FBXL20: variants seen among roughly 807,000 people sequenced by gnomAD.
FBXL20 encodes F-box and leucine rich repeat protein 20.
In FBXL20, 11 loss-of-function variants were observed where a neutral mutation model predicts 64.0. The observed-to-expected ratio is 0.17, with a 90% CI of 0.11 to 0.28. FBXL20 has a LOEUF of 0.28. Ranked by LOEUF, FBXL20 falls within the 10% of genes least tolerant of loss-of-function variation. FBXL20 has a pLI of 1.00. For synonymous variants in FBXL20, 184 were observed against 189.0 expected (o/e 0.97, Z 0.22); for missense variants, 303 against 526.2 (o/e 0.58, Z 4.15).
intron 2 of FBXL20, among the ~76,000 whole-genome samples, chr17:39,326,615 CTATT>C (rs1248586599): frequency 6.6e-6 from 1 of 151,298 alleles, no homozygotes; most frequent in East Asian, 2.0e-4. Context: ...GAGCAAGACC[CTATT>C]TAAAAAAAAT....
chr17:39,337,514 C>G (rs1303649575), intron 2 of FBXL20, among the ~76,000 whole-genome samples: 12 of 151,894 alleles, frequency 7.9e-5, no homozygotes, highest in East Asian at 5.8e-4. Context: ...CGTCTCTGCC[C>G]GGCCGCCCAT....
chr17:39,342,377 G>GCAA (rs2047590882), intron 2 of FBXL20, among the ~76,000 whole-genome samples: 1 of 149,602 alleles, frequency 6.7e-6, no homozygotes, highest in Non-Finnish European at 1.5e-5. Context: ...ACTATTCTGG[G>GCAA]CAACACAGTG....
chr17:39,400,024 ACC>A (rs2048226154), intron 1 of FBXL20, among the ~76,000 whole-genome samples: 1 of 152,154 alleles, frequency 6.6e-6, no homozygotes, highest in South Asian at 2.1e-4. Context: ...TGAATACGAA[ACC>A]ATCATAAATT....
At chr17:39,270,750 TAAAACC>T in intron 11 of FBXL20, 40 bp downstream of exon 11, 1 of 1,505,368 alleles carries the variant, frequency 6.6e-7, no homozygotes, top group Non-Finnish European at 9.0e-7. Context: ...AAAGCCCTAA[TAAAACC>T]TATGGAAACA....
intron 1 of FBXL20, among the ~76,000 whole-genome samples, chr17:39,394,456 T>A (rs370580932): frequency 7.2e-5 from 11 of 151,902 alleles, no homozygotes; most frequent in African/African-American, 1.2e-4. Flanking sequence ...TTTTTGTATT[T>A]TTAGTAGAGA....
chr17:39,315,831 G>GAC (rs1326564481), intron 2 of FBXL20, among the ~76,000 whole-genome samples: 11 of 29,516 alleles, frequency 3.7e-4, no homozygotes, highest in Non-Finnish European at 6.2e-4. Context: ...GAGAGAGACA[G>GAC]AGAGAGAGAG....
intron 2 of FBXL20, among the ~76,000 whole-genome samples, chr17:39,306,042 G>A (rs1005139205): frequency 6.6e-6 from 1 of 151,988 alleles, no homozygotes; most frequent in Non-Finnish European, 1.5e-5. Context: ...GTATATGCCT[G>A]TAGTTCCAGC....
At chr17:39,339,391 TGA>T (rs770803605) in intron 2 of FBXL20, among the ~76,000 whole-genome samples, 1 of 152,020 alleles carries the variant, frequency 6.6e-6, no homozygotes, top group Non-Finnish European at 1.5e-5. Context: ...CACTTCAGGC[TGA>T]GAGGTCAAAG....
intron 2 of FBXL20, among the ~76,000 whole-genome samples, chr17:39,323,744 C>T (rs767477141): frequency 3.3e-5 from 5 of 151,984 alleles, no homozygotes; most frequent in Non-Finnish European, 7.4e-5. Flanking sequence ...TTCTCAGACA[C>T]CACCTTGTTA....
intron 6 of FBXL20, among the ~76,000 whole-genome samples, chr17:39,291,752 T>C (rs898756970): frequency 6.6e-6 from 1 of 152,186 alleles, no homozygotes; most frequent in African/African-American, 2.4e-5. Flanking sequence ...TCTTCTCTAA[T>C]ATTAGCATTT....
At chr17:39,387,577 T>C (rs866168043) in intron 1 of FBXL20, among the ~76,000 whole-genome samples, 3 of 145,888 alleles carry the variant, frequency 2.1e-5, no homozygotes, top group Non-Finnish European at 4.5e-5. Flanking sequence ...CAGCGCCCAA[T>C]CTTTTTTTTT....
chr17:39,398,934 A>G (rs2048213982), intron 1 of FBXL20, among the ~76,000 whole-genome samples: 1 of 152,012 alleles, frequency 6.6e-6, no homozygotes, highest in Admixed American at 6.5e-5. Context: ...CGGCCTCCCA[A>G]AGTGCTGGGA....
intron 2 of FBXL20, among the ~76,000 whole-genome samples, chr17:39,309,426 AG>A (rs1186500437): frequency 6.6e-6 from 1 of 152,182 alleles, no homozygotes; most frequent in African/African-American, 2.4e-5. Context: ...TACTTAAACT[AG>A]GACTTATACT....
At position 39,363,827 on chromosome 17, in the gene FBXL20, C is replaced by CAAAAAAA. The variant is rs1555612706; in HGVS notation, c.43-20587_43-20586insTTTTTTT. ...CTTTATCTCAAAAAAAAAAAAAAAA[C>CAAAAAAA]AAAAAACAAAAAAAAAAACAATAAA... is the stretch of plus-strand genomic sequence containing the variant. On this transcript the variant is annotated intron_variant, in intron 1 of 14. Transcript: ENST00000264658. 4.3e-3 allele frequency among the ~76,000 whole-genome samples: 337 copies of CAAAAAAA among 77,950 alleles called. 18 individuals carry two copies. The highest frequency in any genetic ancestry group is 0.015 in the African/African-American group (282 of 18,314). 51.1% of individuals were successfully genotyped at this position (77,950 alleles called of 152,430 possible).
intron 1 of FBXL20, among the ~76,000 whole-genome samples, chr17:39,370,963 A>G (rs1265975275): frequency 2.0e-5 from 3 of 152,176 alleles, no homozygotes; most frequent in Non-Finnish European, 2.9e-5. Flanking sequence ...TCACGCCTAT[A>G]ATCCCAGCAC....
chr17:39,327,724 G>A (rs35289683), intron 2 of FBXL20, among the ~76,000 whole-genome samples: 24,424 of 151,808 alleles, frequency 0.16, 2,675 homozygotes, highest in East Asian at 0.24. Context: ...TTTTCAAGAC[G>A]GAATCTCGCT....
At position 39,258,964 on chromosome 17, in the gene FBXL20, G is replaced by A. The variant is rs2046720568; in HGVS notation, c.*2496C>T. On this transcript the variant is annotated 3_prime_UTR_variant, in exon 15 of 15. Coordinates refer to ENST00000264658, the MANE Select transcript of FBXL20 (RefSeq NM_032875.3). ...TATAAGGTAATCTGAAAGAGAATAA[G>A]GGGAAAGGGGAATGAATAAACAAGT... 1 of 152,134 alleles carries A rather than the reference G, an allele frequency of 6.6e-6. No homozygotes were observed. Among genetic ancestry groups the A allele is most frequent in the African/African-American group, 2.4e-5 (1 of 41,424 alleles). 9.4% of individuals were successfully genotyped at this position (152,134 alleles called of 1,614,324 possible). A position where few individuals can be genotyped will look rare whatever the true frequency, so the allele number is the denominator to read the frequency against.
intron 2 of FBXL20, among the ~76,000 whole-genome samples, chr17:39,341,718 A>G (rs1422117232): frequency 7.2e-5 from 11 of 152,238 alleles, no homozygotes; most frequent in African/African-American, 2.2e-4. Flanking sequence ...AAGATCACTT[A>G]GGTGAACTGG....
chr17:39,276,435 C>T (rs2046895494), intron 9 of FBXL20, among the ~76,000 whole-genome samples: 1 of 151,218 alleles, frequency 6.6e-6, no homozygotes, highest in Non-Finnish European at 1.5e-5. Flanking sequence ...CTTTGGGAGG[C>T]GGAGGCGGGT....
Sources: allele counts gnomAD v4.1 joint callset (sites outside exome capture counted in the v4.1 genomes callset), GRCh38; gene constraint gnomAD v4.1.1; transcripts MANE v1.5; gene names NCBI Gene and HGNC (gene_info 2026-07-23, HGNC 2026-07-21).